Variants in CAMKK2 observed in about 807,000 individuals in gnomAD.
CAMKK2 encodes the protein calcium/calmodulin-dependent protein kinase kinase 2.
In CAMKK2, 30 loss-of-function variants were observed where a neutral mutation model predicts 67.2. The ratio of observed to expected loss-of-function variants is 0.45; its 90% CI spans 0.33 to 0.61. The LOEUF is 0.61. Ranked by LOEUF, CAMKK2 falls within the 20% of genes least tolerant of loss-of-function variation. CAMKK2 has a pLI of 0.02. For synonymous variants in CAMKK2, 322 were observed against 326.2 expected, an observed-to-expected ratio of 0.99 and a Z score of 0.14; for missense variants, 643 against 802.0, an observed-to-expected ratio of 0.80 and a Z score of 2.39.
At chr12:121,274,805 CTTT>C (rs140150523) in intron 1 of CAMKK2, among the ~76,000 whole-genome samples, 1 of 132,916 alleles carries the variant, frequency 7.5e-6, no homozygotes, top group Non-Finnish European at 1.6e-5. Context: ...CTTTTTTTTT[CTTT>C]TTTTTTTTTT....
intron 14 of CAMKK2, 30 bp downstream of exon 14, chr12:121,248,576 T>TG (rs1862130285): frequency 1.2e-6 from 2 of 1,613,622 alleles, no homozygotes; most frequent in Admixed American, 3.3e-5. Context: ...CCTGGGTCCC[T>TG]GCTCTGGGTC....
intron 2 of CAMKK2, among the ~76,000 whole-genome samples, chr12:121,273,486 T>A (rs1192527366): frequency 6.6e-6 from 1 of 151,938 alleles, no homozygotes; most frequent in Non-Finnish European, 1.5e-5. Flanking sequence ...ACGGTAAGGG[T>A]CCTGTGAGAA....
intron 4 of CAMKK2, 142 bp downstream of exon 4, chr12:121,269,386 T>C: frequency 1.4e-6 from 1 of 694,640 alleles, no homozygotes; most frequent in South Asian, 1.8e-5. Flanking sequence ...GGCATACCAC[T>C]TCCTTCCTAA....
At chr12:121,254,628 C>T (rs1891476618) in intron 9 of CAMKK2, among the ~76,000 whole-genome samples, 1 of 152,070 alleles carries the variant, frequency 6.6e-6, no homozygotes, top group South Asian at 2.1e-4. Flanking sequence ...CCCAGGGTCA[C>T]TGGGAGGAAT....
intron 11 of CAMKK2, among the ~76,000 whole-genome samples, chr12:121,250,685 A>G (rs1890542092): frequency 2.0e-5 from 3 of 151,702 alleles, no homozygotes; most frequent in African/African-American, 4.8e-5. Flanking sequence ...TTATTGTTTA[A>G]CCCCTCCCAC....
intron 9 of CAMKK2, among the ~76,000 whole-genome samples, chr12:121,254,993 C>A (rs1216445587): frequency 6.6e-6 from 1 of 151,022 alleles, no homozygotes; most frequent in Non-Finnish European, 1.5e-5. Flanking sequence ...ATAAAGCAGG[C>A]AGAAAAACGT....
At chr12:121,289,482 T>C (rs902274704) in intron 1 of CAMKK2, among the ~76,000 whole-genome samples, 17 of 152,160 alleles carry the variant, frequency 1.1e-4, no homozygotes, top group African/African-American at 4.1e-4. Flanking sequence ...AGAAAACAAA[T>C]AATAATTCTA....
rs1566058774 is a variant in CAMKK2, at chr12:121,255,280, A to ATATATATAATTT, written c.907+269_907+270insAAATTATATATA. Among the ~76,000 whole-genome samples the ATATATATAATTT allele has an allele frequency of 3.4e-5, 2 of 58,990 alleles. 1 individual carries two copies. Among genetic ancestry groups the ATATATATAATTT allele is most frequent in the Non-Finnish European group, 5.4e-5 (2 of 36,846 alleles). 38.7% of individuals were successfully genotyped at this position (58,990 alleles called of 152,430 possible). On this transcript the variant is annotated intron_variant, in intron 9 of 16. Transcript: ENST00000404169. ...TATATAATTTTATATATATATAATTATATATATAATTATATATATAATTTT... is the reference window on the plus strand; with the variant it reads ...TATATAATTTTATATATATATAATTATATATATAATTTTATATATAATTATATATATAATTTT...
At chr12:121,251,125 G>A (rs930691669) in intron 11 of CAMKK2, among the ~76,000 whole-genome samples, 24 of 152,148 alleles carry the variant, frequency 1.6e-4, no homozygotes, top group Admixed American at 1.4e-3. Flanking sequence ...TGAACCACCC[G>A]TCTAAGGAAA....
At chr12:121,255,717 A>G in intron 8 of CAMKK2, 66 bp downstream of exon 8, 1 of 1,604,280 alleles carries the variant, frequency 6.2e-7, no homozygotes, top group East Asian at 2.2e-5. Context: ...GCCCAGTGGC[A>G]CCTCACTCAG....
intron 5 of CAMKK2, 111 bp from the exon 6 acceptor site, chr12:121,264,050 G>C: frequency 9.9e-7 from 1 of 1,011,896 alleles, no homozygotes; most frequent in East Asian, 2.8e-5. Context: ...ACTCTGCAGG[G>C]CTGGAGTGGC....
intron 2 of CAMKK2, among the ~76,000 whole-genome samples, chr12:121,273,097 C>CA: frequency 6.6e-6 from 1 of 152,168 alleles, no homozygotes; most frequent in African/African-American, 2.4e-5. Flanking sequence ...TAAACCAACG[C>CA]ACAGATAATC....
intron 6 of CAMKK2, among the ~76,000 whole-genome samples, chr12:121,262,104 T>C (rs375366185): frequency 6.6e-6 from 1 of 152,200 alleles, no homozygotes; most frequent in East Asian, 1.9e-4. Context: ...TCACAAAACA[T>C]TGAATGCAAA....
At chr12:121,241,120 C>T (rs1287094760) in intron 16 of CAMKK2, among the ~76,000 whole-genome samples, 1 of 152,198 alleles carries the variant, frequency 6.6e-6, no homozygotes, top group Non-Finnish European at 1.5e-5. Context: ...AGCAAGGACC[C>T]GTACAACAGT....
chr12:121,277,624 T>C (rs1020859019), intron 1 of CAMKK2, among the ~76,000 whole-genome samples: 1 of 152,000 alleles, frequency 6.6e-6, no homozygotes, highest in Admixed American at 6.5e-5. Flanking sequence ...GCAAGCCAGA[T>C]ACTAAAGGAC....
chr12:121,270,976 G>C (rs752298060), intron 2 of CAMKK2, 31 bp from the exon 3 acceptor site: 1 of 1,600,756 alleles, frequency 6.2e-7, no homozygotes. Context: ...CGTGCAAAAT[G>C]AATTTTAAGT....
chr12:121,245,139 C>T lies in CAMKK2; in HGVS notation c.1553+1G>A, dbSNP rs202021821. 3 of 1,591,850 alleles carry T rather than the reference C, an allele frequency of 1.9e-6. No homozygotes were observed. Among genetic ancestry groups the T allele is most frequent in the Non-Finnish European group, 2.6e-6 (3 of 1,167,492 alleles). The stretch of plus-strand genomic sequence containing the variant: ...ACCCAAGAAGGCAGGCGGCCACTCA[C>T]GTGAGCAAGTTTCCAGGCGCTGACA... On this transcript the variant is annotated splice_donor_variant, in intron 15 of 16. Coordinates refer to ENST00000404169, the MANE Select transcript of CAMKK2 (RefSeq NM_001270485.2). LOFTEE classifies it high-confidence loss of function. This position sits in a 1 kb window ranked among gnomAD's most constrained non-coding sequence, Gnocchi z 5.8.
chr12:121,247,150 A>G (rs1353872908), intron 14 of CAMKK2, among the ~76,000 whole-genome samples: 1 of 151,852 alleles, frequency 6.6e-6, no homozygotes, highest in Non-Finnish European at 1.5e-5. Flanking sequence ...CGGCGGAGTT[A>G]ACACCCTACC....
chr12:121,274,831 T>C (rs2136451794), intron 1 of CAMKK2, among the ~76,000 whole-genome samples: 1 of 147,270 alleles, frequency 6.8e-6, no homozygotes, highest in East Asian at 2.0e-4. Flanking sequence ...AGACAAGGTC[T>C]CTCCCTCTCT....
Sources: gnomAD v4.1 joint callset for allele counts (sites outside exome capture counted in the v4.1 genomes callset) on GRCh38, gnomAD v4.1.1 for gene constraint, Gnocchi (gnomAD v3.1) non-coding constraint, MANE v1.5 for transcripts, NCBI Gene and HGNC (gene_info 2026-07-23, HGNC 2026-07-21) for gene names.